CYRIA: variants seen among roughly 807,000 people sequenced by gnomAD.
The protein encoded by CYRIA is CYFIP-related Rac1 interactor A.
A neutral mutation model predicts 43.9 loss-of-function variants in CYRIA; 15 were observed. That is an observed-to-expected ratio of 0.34 (90% confidence interval 0.23 to 0.53). The LOEUF is 0.53. CYRIA is among the 20% of genes least tolerant of loss of function. The probability of loss-of-function intolerance (pLI) is 0.94; values close to 1 mark genes in which losing one functional copy is unlikely to be tolerated. For missense variants in CYRIA, 236 were observed against 394.2 expected (o/e 0.60, Z 3.40); for synonymous variants, 117 against 136.0 (o/e 0.86, Z 0.97).
At chr2:16,612,965 G>A (rs1339527764) in intron 2 of CYRIA, among the ~76,000 whole-genome samples, 5 of 152,130 alleles carry the variant, frequency 3.3e-5, no homozygotes, top group African/African-American at 9.7e-5. Context: ...TTTATAAATG[G>A]GAGTTCCCCC....
chr2:16,581,897 GGCT>G (rs1242115272), intron 3 of CYRIA, among the ~76,000 whole-genome samples: 1 of 152,148 alleles, frequency 6.6e-6, no homozygotes, highest in Non-Finnish European at 1.5e-5. Flanking sequence ...GTAATGACAT[GGCT>G]GGATGTCAAA....
At chr2:16,623,260 G>A (rs1052779187) in intron 2 of CYRIA, 1 of 152,208 alleles carries the variant, frequency 6.6e-6, no homozygotes, top group Non-Finnish European at 1.5e-5. Flanking sequence ...CATTCTAGTA[G>A]ATGTGGCCAC....
rs528874795 is a variant in CYRIA at position 16,635,371 on chromosome 2, C to T, written c.-166-11352G>A. ...AAGGAAAATAAAAGGAGTCAGCTTG[C>T]AGGAACCCTGGGAGGGCAGTGGTGT... On this transcript the variant is annotated intron_variant, in intron 1 of 11. Coordinates refer to ENST00000381323, the MANE Select transcript of CYRIA (RefSeq NM_030797.4). Among the ~76,000 whole-genome samples, 22 of 152,304 alleles carry T rather than the reference C, an allele frequency of 1.4e-4. No homozygotes were observed. In the South Asian group the frequency reaches 4.6e-3, roughly 32 times the overall value.
At chr2:16,606,578 C>G (rs983311104) in intron 2 of CYRIA, among the ~76,000 whole-genome samples, 5 of 151,808 alleles carry the variant, frequency 3.3e-5, no homozygotes, top group Non-Finnish European at 4.4e-5. Context: ...GAAAAAGAGG[C>G]CTTCTCCTTT....
intron 2 of CYRIA, among the ~76,000 whole-genome samples, chr2:16,616,627 T>G (rs1035069441): frequency 5.3e-5 from 8 of 152,256 alleles, no homozygotes; most frequent in African/African-American, 1.9e-4. Context: ...GCTTTGCAAC[T>G]CAATCATCCA....
chr2:16,662,923 T>A (rs1255316978), intron 1 of CYRIA, among the ~76,000 whole-genome samples: 3 of 152,196 alleles, frequency 2.0e-5, no homozygotes, highest in African/African-American at 4.8e-5. Context: ...AAAACAGAAA[T>A]GCTGCTCATT....
At chr2:16,657,410 AG>A (rs34279130) in intron 1 of CYRIA, among the ~76,000 whole-genome samples, 1 of 152,158 alleles carries the variant, frequency 6.6e-6, no homozygotes, top group African/African-American at 2.4e-5. Context: ...TTTACTTCTC[AG>A]GAAATTTTTT....
intron 1 of CYRIA, among the ~76,000 whole-genome samples, chr2:16,649,100 C>T (rs1054471845): frequency 2.6e-5 from 4 of 151,996 alleles, no homozygotes; most frequent in Non-Finnish European, 5.9e-5. Flanking sequence ...AACAATAAAG[C>T]ATAATGAAAA....
At chr2:16,597,333 T>A (rs1295321384) in intron 2 of CYRIA, among the ~76,000 whole-genome samples, 1 of 10,286 alleles carries the variant, frequency 9.7e-5, no homozygotes, top group Non-Finnish European at 1.5e-4. Context: ...CAGTGGGGTG[T>A]TAAAGTCTCC....
chr2:16,628,993 G>A (rs1298856823), intron 1 of CYRIA, among the ~76,000 whole-genome samples: 3 of 152,258 alleles, frequency 2.0e-5, no homozygotes, highest in East Asian at 3.9e-4. Context: ...CTTGTGCCCT[G>A]GAAGCCCCGG....
At chr2:16,642,686 TG>T (rs1433269888) in intron 1 of CYRIA, among the ~76,000 whole-genome samples, 15 of 152,358 alleles carry the variant, frequency 9.8e-5, no homozygotes, top group African/African-American at 3.4e-4. Flanking sequence ...CTTCTTCCTT[TG>T]TTCTATCAGG....
intron 3 of CYRIA, among the ~76,000 whole-genome samples, chr2:16,572,330 ATT>A (rs35157297): frequency 1.4e-5 from 2 of 147,844 alleles, no homozygotes; most frequent in East Asian, 2.0e-4. Context: ...CAAAAAATGA[ATT>A]TTTTTTTTTT....
At chr2:16,617,237 G>A (rs6750902) in intron 2 of CYRIA, among the ~76,000 whole-genome samples, 1 of 152,066 alleles carries the variant, frequency 6.6e-6, no homozygotes, top group Non-Finnish European at 1.5e-5. Flanking sequence ...ACCAAGTGGG[G>A]TCCTTAGAGG....
rs144678800 is a variant in CYRIA at position 16,552,173 on chromosome 2, A to C, written c.*763T>G. The C allele has an allele frequency of 5.8e-4, 88 of 152,136 alleles. No individual in the cohort carries two copies. The highest frequency in any genetic ancestry group is 2.0e-3 in the African/African-American group (84 of 41,498). 9.4% of individuals were successfully genotyped at this position (152,136 alleles called of 1,614,324 possible). ...GTAGGCAGAGGGCTGAAGCAGAGAGATGGCTGTCCTGTTGCCTGAGTGCAC... is the reference window on the plus strand; with the variant it reads ...GTAGGCAGAGGGCTGAAGCAGAGAGCTGGCTGTCCTGTTGCCTGAGTGCAC... On this transcript the variant is annotated 3_prime_UTR_variant, in exon 12 of 12. Coordinates refer to ENST00000381323, the MANE Select transcript of CYRIA (RefSeq NM_030797.4).
rs540357442 is a variant in CYRIA at position 16,632,744 on chromosome 2, C to T, written c.-166-8725G>A. ...GAATGCACCCATGACAGCTGGGAGC[C>T]GGCTTATCTATGATGCTGGCAAGGG... is the stretch of plus-strand genomic sequence containing the variant. On this transcript the variant is annotated intron_variant, in intron 1 of 11. Coordinates refer to ENST00000381323, the MANE Select transcript of CYRIA (RefSeq NM_030797.4). Among the ~76,000 whole-genome samples, 4 of 152,220 alleles carry T rather than the reference C, an allele frequency of 2.6e-5. No homozygotes were observed. In the East Asian group the frequency reaches 5.8e-4, roughly 22 times the overall value.
In CYRIA at chr2:16,634,936, G is replaced by A. The variant is rs79962274; in HGVS notation, c.-166-10917C>T. Among the ~76,000 whole-genome samples the A allele has an allele frequency of 1.0e-3, 158 of 152,310 alleles. 1 individual carries two copies. In the East Asian group the frequency reaches 0.024, roughly 23 times the overall value. The stretch of plus-strand genomic sequence containing the variant: ...CAGATAATTGGTTATTAAGCATTTA[G>A]GAGCAAACCACTGAATGGATCCATA... On this transcript the variant is annotated intron_variant, in intron 1 of 11. Coordinates refer to ENST00000381323, the MANE Select transcript of CYRIA (RefSeq NM_030797.4).
chr2:16,559,668 T>C (rs1666657325), intron 9 of CYRIA, 82 bp from the exon 10 acceptor site: 3 of 1,511,392 alleles, frequency 2.0e-6, no homozygotes, highest in African/African-American at 1.4e-5. Context: ...ATACTTTAGA[T>C]GCCTCCAATC....
intron 10 of CYRIA, among the ~76,000 whole-genome samples, chr2:16,558,759 G>T: frequency 6.6e-6 from 1 of 152,144 alleles, no homozygotes; most frequent in East Asian, 1.9e-4. Context: ...CAATAGAGCA[G>T]ACATGAGGTA....
intron 2 of CYRIA, among the ~76,000 whole-genome samples, chr2:16,601,343 A>G (rs1199599932): frequency 6.6e-6 from 1 of 152,184 alleles, no homozygotes; most frequent in East Asian, 1.9e-4. Context: ...TGAAGGGAAC[A>G]CAGAATACAC....
Sources: gnomAD v4.1 joint callset for allele counts (sites outside exome capture counted in the v4.1 genomes callset) on GRCh38, gnomAD v4.1.1 for gene constraint, MANE v1.5 for transcripts, NCBI Gene and HGNC (gene_info 2026-07-23, HGNC 2026-07-21) for gene names.